Variants in SEMA6D observed in about 807,000 individuals in gnomAD.
SEMA6D encodes semaphorin-6D.
In SEMA6D, 35 loss-of-function variants were observed where a neutral mutation model predicts 106.6. The observed-to-expected ratio is 0.33, with a 90% CI of 0.25 to 0.44. The LOEUF is 0.44. Ranked by LOEUF, SEMA6D falls within the 20% of genes least tolerant of loss-of-function variation. The probability of loss-of-function intolerance (pLI) is 1.00; values close to 1 mark genes in which losing one functional copy is unlikely to be tolerated. For synonymous variants in SEMA6D, 499 were observed against 487.7 expected, an observed-to-expected ratio of 1.02 and a Z score of -0.31; for missense variants, 1,185 against 1,345.9, an observed-to-expected ratio of 0.88 and a Z score of 1.87.
chr15:47,220,578 T>C (rs1566933978), intron 1 of SEMA6D, among the ~76,000 whole-genome samples: 1 of 152,140 alleles, frequency 6.6e-6, no homozygotes, highest in African/African-American at 2.4e-5. Flanking sequence ...ACCAAACTGC[T>C]ATAATGAAAT....
chr15:47,212,502 A>G (rs1256347470), intron 1 of SEMA6D, among the ~76,000 whole-genome samples: 1 of 152,194 alleles, frequency 6.6e-6, no homozygotes, highest in Non-Finnish European at 1.5e-5. Context: ...TCAATAAATG[A>G]TTGCTATTGT....
At chr15:47,448,991 C>G (rs529410837) in intron 2 of SEMA6D, among the ~76,000 whole-genome samples, 5 of 152,198 alleles carry the variant, frequency 3.3e-5, no homozygotes, top group African/African-American at 9.6e-5. Flanking sequence ...CTCTTGTGAT[C>G]ATCAATGAGA....
At chr15:47,648,879 A>T (rs1029769142) in intron 4 of SEMA6D, among the ~76,000 whole-genome samples, 2 of 152,234 alleles carry the variant, frequency 1.3e-5, no homozygotes, top group Admixed American at 6.5e-5. Context: ...CAATTAGCTT[A>T]TGGTAAAACT....
intron 1 of SEMA6D, among the ~76,000 whole-genome samples, chr15:47,728,774 C>T (rs1484906775): frequency 6.6e-6 from 1 of 152,164 alleles, no homozygotes; most frequent in Non-Finnish European, 1.5e-5. Flanking sequence ...CACACGTGAC[C>T]CTTTTCCTCC....
intron 2 of SEMA6D, among the ~76,000 whole-genome samples, chr15:47,468,879 A>G (rs2042742906): frequency 6.6e-6 from 1 of 152,082 alleles, no homozygotes; most frequent in Admixed American, 6.6e-5. Context: ...AGCCATTCAG[A>G]ATGATTTCCA....
At chr15:47,335,283 A>C (rs1173627679) in intron 1 of SEMA6D, among the ~76,000 whole-genome samples, 4 of 152,148 alleles carry the variant, frequency 2.6e-5, no homozygotes, top group Non-Finnish European at 5.9e-5. Flanking sequence ...TAAATGCTGC[A>C]GAGAAGAACA....
At chr15:47,511,456 A>G (rs1440856655) in intron 3 of SEMA6D, among the ~76,000 whole-genome samples, 1 of 152,170 alleles carries the variant, frequency 6.6e-6, no homozygotes, top group Admixed American at 6.5e-5. Context: ...ACAGTTGGCC[A>G]GCAGTATAAC....
intron 1 of SEMA6D, among the ~76,000 whole-genome samples, chr15:47,240,228 A>G (rs1434738369): frequency 6.6e-6 from 1 of 152,168 alleles, no homozygotes; most frequent in Non-Finnish European, 1.5e-5. Flanking sequence ...CTGAATATAG[A>G]ATTTAGGCTC....
intron 3 of SEMA6D, among the ~76,000 whole-genome samples, chr15:47,499,866 A>G (rs115601548): frequency 0.011 from 1,645 of 152,066 alleles, 35 homozygotes; most frequent in African/African-American, 0.037. Flanking sequence ...TCAGTGGGTC[A>G]AGCTTTTTTT....
chr15:47,758,909 A>G (rs1375514773), intron 1 of SEMA6D, among the ~76,000 whole-genome samples: 3 of 152,126 alleles, frequency 2.0e-5, no homozygotes, highest in Non-Finnish European at 4.4e-5. Flanking sequence ...TTGGATTTTC[A>G]TCTGAAAAAT....
rs776415383 is a variant in SEMA6D at position 47,766,160 on chromosome 15, G to A, written c.1624G>A (p.Gly542Ser). The A allele has an allele frequency of 2.5e-6, 4 of 1,613,444 alleles. No individual in the cohort carries two copies. The highest frequency in any genetic ancestry group is 2.5e-6 in the Non-Finnish European group (3 of 1,179,634). Residue 542 changes from glycine to serine, a missense_variant, in exon 15 of 19, where the codon GGT becomes AGT. By Grantham distance (56) the Gly-to-Ser change is moderately conservative (BLOSUM62 0). Around this residue, in one of 3 missense-constraint regions of SEMA6D, gnomAD observed 750 missense variants for 783.5 expected, o/e 0.96. Transcript: ENST00000536845. ...YCGWLSQGSC[G>S]RVTPGMLAEG... ...TGGCTGGTTAAGCCAGGGATCCTGT[G>A]GTAGAGTGACCCCAGGGATGCTGTA...
intron 1 of SEMA6D, among the ~76,000 whole-genome samples, chr15:47,195,275 T>C (rs1195111340): frequency 6.6e-6 from 1 of 152,124 alleles, no homozygotes; most frequent in African/African-American, 2.4e-5. Context: ...ATGTGCTGTG[T>C]GAAGACCCCA....
intron 1 of SEMA6D, among the ~76,000 whole-genome samples, chr15:47,360,297 T>TC: frequency 6.6e-6 from 1 of 152,320 alleles, no homozygotes; most frequent in South Asian, 2.1e-4. Flanking sequence ...CCCCAGTGAA[T>TC]GTTGAGCCTG....
At chr15:47,661,629 C>T (rs1460498770) in intron 4 of SEMA6D, among the ~76,000 whole-genome samples, 2 of 152,156 alleles carry the variant, frequency 1.3e-5, no homozygotes, top group African/African-American at 4.8e-5. Context: ...AAAATGGAGA[C>T]TTTGAAGGTA....
At chr15:47,567,624 A>G (rs981291323) in intron 3 of SEMA6D, among the ~76,000 whole-genome samples, 2 of 152,190 alleles carry the variant, frequency 1.3e-5, no homozygotes, top group Admixed American at 1.3e-4. Flanking sequence ...ATGTGAACAC[A>G]CACATTCTCA....
chr15:47,535,096 C>CACACAAAAAA (rs1185918634), intron 3 of SEMA6D, among the ~76,000 whole-genome samples: 4 of 148,198 alleles, frequency 2.7e-5, no homozygotes, highest in South Asian at 2.1e-4. Context: ...CAAAAACACA[C>CACACAAAAAA]ACACAAAAAA....
intron 1 of SEMA6D, among the ~76,000 whole-genome samples, chr15:47,187,814 G>C (rs1020787374): frequency 6.6e-6 from 1 of 152,026 alleles, no homozygotes; most frequent in African/African-American, 2.4e-5. Flanking sequence ...GGGAATTAGT[G>C]GGGGGAGGGG....
chr15:47,250,440 GAAGAAAGAAAGAAAGA>G (rs549519554), intron 1 of SEMA6D, among the ~76,000 whole-genome samples: 1 of 151,670 alleles, frequency 6.6e-6, no homozygotes, highest in Non-Finnish European at 1.5e-5. Context: ...AGCAAATCCT[GAAGAAAGAAAGAAAGA>G]AAGAAAGAAG....
At chr15:47,681,190 A>T (rs1390484779) in intron 4 of SEMA6D, among the ~76,000 whole-genome samples, 1 of 152,266 alleles carries the variant, frequency 6.6e-6, no homozygotes, top group Non-Finnish European at 1.5e-5. Context: ...CTGTAAATGC[A>T]TATGAAAATA....
Sources: gnomAD v4.1 joint callset for allele counts (sites outside exome capture counted in the v4.1 genomes callset) on GRCh38, gnomAD v4.1.1 for gene constraint, gnomAD v4.1.1 regional missense constraint, MANE v1.5 for transcripts, NCBI Gene and HGNC (gene_info 2026-07-23, HGNC 2026-07-21) for gene names.